XIRP2: variants seen among roughly 807,000 people sequenced by gnomAD.
XIRP2 encodes the protein xin actin binding repeat containing 2.
Under a neutral mutation model 277.0 loss-of-function variants are expected in XIRP2, and 236 were observed. That is an observed-to-expected ratio of 0.85 (90% CI 0.77 to 0.95). The LOEUF (loss-of-function observed/expected upper bound fraction) is 0.95. XIRP2 is among the 40% of genes least tolerant of loss of function. The probability of loss-of-function intolerance (pLI) is 0.00; values close to 1 mark genes in which losing one functional copy is unlikely to be tolerated. For synonymous variants in XIRP2, 1,490 were observed against 1,416.5 expected, an observed-to-expected ratio of 1.05 and a Z score of -1.17; for missense variants, 4,640 against 4,157.5, an observed-to-expected ratio of 1.12 and a Z score of -3.19.
At chr2:167,181,707 C>A (rs185132287) in intron 3 of XIRP2, among the ~76,000 whole-genome samples, 1 of 152,048 alleles carries the variant, frequency 6.6e-6, no homozygotes, top group African/African-American at 2.4e-5. Flanking sequence ...AGGGATATGT[C>A]TGATCAAAAT....
At chr2:167,152,700 AC>A (rs1242647114) in intron 3 of XIRP2, among the ~76,000 whole-genome samples, 1 of 152,090 alleles carries the variant, frequency 6.6e-6, no homozygotes, top group Non-Finnish European at 1.5e-5. Flanking sequence ...GACCAGAAAA[AC>A]AGTATAACAA....
chr2:167,018,794 T>C (rs1040226123), intron 2 of XIRP2, among the ~76,000 whole-genome samples: 2 of 152,018 alleles, frequency 1.3e-5, no homozygotes, highest in Non-Finnish European at 2.9e-5. Context: ...TAGCTTAGTG[T>C]GCATTTCCAC....
intron 2 of XIRP2, among the ~76,000 whole-genome samples, chr2:166,958,141 G>T (rs1241961752): frequency 6.6e-6 from 1 of 151,892 alleles, no homozygotes; most frequent in African/African-American, 2.4e-5. Context: ...CTGAATTTTA[G>T]CTTGCTGCCT....
intron 5 of XIRP2, among the ~76,000 whole-genome samples, chr2:167,236,906 A>C (rs910639620): frequency 2.6e-5 from 4 of 152,140 alleles, no homozygotes; most frequent in African/African-American, 7.2e-5. Context: ...TATAGACACC[A>C]ACAATTAGAA....
chr2:166,925,670 C>T (rs1685170032), intron 2 of XIRP2, among the ~76,000 whole-genome samples: 2 of 148,140 alleles, frequency 1.4e-5, no homozygotes, highest in Non-Finnish European at 3.0e-5. Flanking sequence ...CAACTATTCT[C>T]ATAGGGAAAG....
At chr2:166,974,029 A>G (rs1432355004) in intron 2 of XIRP2, among the ~76,000 whole-genome samples, 1 of 152,232 alleles carries the variant, frequency 6.6e-6, no homozygotes, top group East Asian at 1.9e-4. Context: ...AACTTGGGAT[A>G]AGTTACAAAA....
At chr2:167,154,229 A>G (rs1692112773) in intron 3 of XIRP2, among the ~76,000 whole-genome samples, 1 of 148,320 alleles carries the variant, frequency 6.7e-6, no homozygotes, top group Admixed American at 6.7e-5. Context: ...GTCTGTTCAT[A>G]TCCTTGGCCA....
intron 2 of XIRP2, among the ~76,000 whole-genome samples, chr2:167,117,402 C>T (rs1042365403): frequency 6.6e-5 from 10 of 152,144 alleles, no homozygotes; most frequent in Non-Finnish European, 1.3e-4. Context: ...TTAAAGGTGA[C>T]TCAAATGCGA....
At position 167,259,120 on chromosome 2, in the gene XIRP2, A is replaced by C; in HGVS notation, c.*1303A>C. 1 of 1,612,274 alleles carries C rather than the reference A, an allele frequency of 6.2e-7. No individual in the cohort carries two copies. Among genetic ancestry groups the C allele is most frequent in the African/African-American group, 1.3e-5 (1 of 74,962 alleles). On this transcript the variant is annotated 3_prime_UTR_variant, in exon 11 of 11. Coordinates refer to ENST00000409195, the MANE Select transcript of XIRP2 (RefSeq NM_152381.6). ...ATGAGAACATTTTCAATTGTGATTTAATAGATTCTGTAGATCAAATTAAAA... is the reference window on the plus strand; with the variant it reads ...ATGAGAACATTTTCAATTGTGATTTCATAGATTCTGTAGATCAAATTAAAA...
Position 167,113,224 on chromosome 2 carries a change from T to C in XIRP2, c.409-22685T>C, listed in dbSNP as rs534060176. On this transcript the variant is annotated intron_variant, in intron 2 of 10. Transcript: ENST00000409195. ...CTTTGTTAATTTTCCGCCTTGATGA[T>C]TTGTCCAATATTGTCAGTGGCGTGT... Among the ~76,000 whole-genome samples, 8 of 152,278 alleles carry C rather than the reference T, an allele frequency of 5.3e-5. No homozygotes were observed. The South Asian group carries it at 1.7e-3, about 32-fold the overall frequency.
chr2:167,244,586 A>G lies in XIRP2; in HGVS notation c.3194A>G (p.Asp1065Gly), dbSNP rs1226462938. ...AKWLFETQPL[D>G]SIKYFSDVEE... Reference sequence around the variant, plus strand: ...TGGTTGTTTGAAACCCAACCTCTTGATTCAATTAAATATTTTAGTGATGTG... The same window carrying G: ...TGGTTGTTTGAAACCCAACCTCTTGGTTCAATTAAATATTTTAGTGATGTG... Residue 1065 changes from aspartate (D) to glycine (G), a missense_variant, in exon 9 of 11, where the codon GAT becomes GGT. Asp to Gly is a moderately conservative substitution (Grantham distance 94). Coordinates refer to ENST00000409195, the MANE Select transcript of XIRP2 (RefSeq NM_152381.6). The G allele has an allele frequency of 4.3e-6, 7 of 1,612,456 alleles. No individual in the cohort carries two copies. The African/African-American group carries it at 5.3e-5, about 12-fold the overall frequency.
At chr2:166,978,893 T>A (rs1361435861) in intron 2 of XIRP2, among the ~76,000 whole-genome samples, 1 of 151,952 alleles carries the variant, frequency 6.6e-6, no homozygotes, top group East Asian at 1.9e-4. Context: ...AGTAGGCAAA[T>A]CCCTGAGACT....
chr2:167,086,994 G>A (rs369235972), intron 2 of XIRP2, among the ~76,000 whole-genome samples: 16 of 152,094 alleles, frequency 1.1e-4, no homozygotes, highest in East Asian at 1.9e-4. Context: ...GAGGAACTGC[G>A]TTCCTTTGGA....
intron 3 of XIRP2, among the ~76,000 whole-genome samples, chr2:167,156,844 A>T (rs942493584): frequency 2.6e-5 from 4 of 152,174 alleles, no homozygotes; most frequent in Admixed American, 1.3e-4. Flanking sequence ...CAAAATATGA[A>T]TGGCTTTTTA....
chr2:167,177,273 T>C (rs1193131449), intron 3 of XIRP2, among the ~76,000 whole-genome samples: 1 of 152,220 alleles, frequency 6.6e-6, no homozygotes, highest in East Asian at 1.9e-4. Context: ...TTCATTTCAG[T>C]TCATTAGGTT....
At chr2:167,163,651 T>G (rs1421627590) in intron 3 of XIRP2, among the ~76,000 whole-genome samples, 1 of 152,242 alleles carries the variant, frequency 6.6e-6, no homozygotes, top group Non-Finnish European at 1.5e-5. Context: ...GAGCAGAAGT[T>G]GTTAATTTTT....
At chr2:167,079,576 G>A (rs1689673562) in intron 2 of XIRP2, among the ~76,000 whole-genome samples, 1 of 152,080 alleles carries the variant, frequency 6.6e-6, no homozygotes, top group Admixed American at 6.5e-5. Flanking sequence ...GAGGCTGTAT[G>A]TTTCCAGGGA....
chr2:167,245,433 G>A lies in XIRP2; in HGVS notation c.4041G>A (p.Val1347=), dbSNP rs200182834. Residue 1347 remains valine, a synonymous_variant, in exon 9 of 11, where the codon GTG becomes GTA. Coordinates refer to ENST00000409195, the MANE Select transcript of XIRP2 (RefSeq NM_152381.6). ...AAGAAGAGGTAATTCATGGAGATGT[G>A]CGAGGAACAAGGTGGCTTTTTGAAA... is the stretch of plus-strand genomic sequence containing the variant. ...VKKEEVIHGD[V]RGTRWLFETK... The A allele has an allele frequency of 6.2e-6, 10 of 1,613,510 alleles. No individual in the cohort carries two copies. The highest frequency in any genetic ancestry group is 2.2e-5 in the East Asian group (1 of 44,828).
Position 166,899,591 on chromosome 2 carries a change from A to T in XIRP2, c.-18-3874A>T, listed in dbSNP as rs1432391167. Among the ~76,000 whole-genome samples the T allele has an allele frequency of 3.3e-5, 5 of 152,160 alleles. No homozygotes were observed. The East Asian group carries it at 9.7e-4, about 29-fold the overall frequency. ...TATTCTTAGTTTTCCTTTGTCTGAG[A>T]ATGTGTTTATTTTTTCTTCGTTATT... On this transcript the variant is annotated intron_variant, in intron 1 of 10. Coordinates refer to ENST00000409195, the MANE Select transcript of XIRP2 (RefSeq NM_152381.6).
Sources: gnomAD v4.1 joint callset for allele counts (sites outside exome capture counted in the v4.1 genomes callset) on GRCh38, gnomAD v4.1.1 for gene constraint, MANE v1.5 for transcripts, NCBI Gene and HGNC (gene_info 2026-07-23, HGNC 2026-07-21) for gene names.